SCN10A: variants seen among roughly 807,000 people sequenced by gnomAD.
SCN10A encodes the protein sodium channel protein type 10 subunit alpha.
Under a neutral mutation model 170.7 loss-of-function variants are expected in SCN10A, and 162 were observed. That is an observed-to-expected ratio of 0.95 (90% confidence interval 0.84 to 1.08). The LOEUF (loss-of-function observed/expected upper bound fraction) is 1.08. Among genes scored for constraint, SCN10A ranks in the 50% least tolerant of loss-of-function variants. The probability of loss-of-function intolerance (pLI) is 0.00; values close to 1 mark genes in which losing one functional copy is unlikely to be tolerated. For missense variants in SCN10A, 2,527 were observed against 2,436.9 expected (o/e 1.04, Z -0.78); for synonymous variants, 985 against 904.6 (o/e 1.09, Z -1.59).
At position 38,744,229 on chromosome 3, in the gene SCN10A, G is replaced by A. The variant is rs895300363; in HGVS notation, c.1868-1700C>T. 3.9e-5 allele frequency among the ~76,000 whole-genome samples: 6 copies of A among 152,138 alleles called. No individual in the cohort carries two copies. In the South Asian group the frequency reaches 8.3e-4, roughly 21 times the overall value. ...AATATAAGATAAACTGGAGTGGGAG[G>A]GGGGTGCACCAGGAGTCTGGGGAGC... On this transcript the variant is annotated intron_variant, in intron 13 of 27. Coordinates refer to ENST00000449082, the MANE Select transcript of SCN10A (RefSeq NM_006514.4).
chr3:38,721,293 G>A (rs1432661271), intron 20 of SCN10A, among the ~76,000 whole-genome samples: 2 of 152,286 alleles, frequency 1.3e-5, no homozygotes, highest in African/African-American at 2.4e-5. Context: ...TCGGAAGAGC[G>A]GGACTGTAGT....
intron 4 of SCN10A, among the ~76,000 whole-genome samples, chr3:38,781,878 T>A (rs935227369): frequency 6.6e-6 from 1 of 152,162 alleles, no homozygotes; most frequent in African/African-American, 2.4e-5. Flanking sequence ...TTAGAGTTTG[T>A]CATATTATTT....
chr3:38,772,332 A>G (rs1486940280), intron 4 of SCN10A, among the ~76,000 whole-genome samples: 1 of 151,734 alleles, frequency 6.6e-6, no homozygotes. Context: ...GAAAAAAAAA[A>G]AAAAAAGAAA....
rs1283830878 is a variant in SCN10A, at chr3:38,697,290, G to A, written c.*59C>T. 19 of 1,583,330 alleles carry A rather than the reference G, an allele frequency of 1.2e-5. No homozygotes were observed. The highest frequency in any genetic ancestry group is 1.5e-5 in the Non-Finnish European group (17 of 1,163,950). On this transcript the variant is annotated 3_prime_UTR_variant, in exon 28 of 28. Transcript: ENST00000449082. ...TGGGTGTGATCTGCAATGGGAAAGA[G>A]TTAACACAGAGCAGAAGGACGCATC... is the stretch of plus-strand genomic sequence containing the variant.
In SCN10A at chr3:38,784,587, T is replaced by A. The variant is rs144872087; in HGVS notation, c.470+4369A>T. Among the ~76,000 whole-genome samples, 458 of 152,238 alleles carry A rather than the reference T, an allele frequency of 3.0e-3. 5 individuals are homozygous for A. The highest frequency in any genetic ancestry group is 0.01 in the African/African-American group (429 of 41,558). On this transcript the variant is annotated intron_variant, in intron 4 of 27. Transcript: ENST00000449082. ...AAACCAGCACAAGACAAGAATGCCC[T>A]ATCTCACCACTCTTATTCAACATAG... is the stretch of plus-strand genomic sequence containing the variant.
At chr3:38,786,239 C>G (rs1259811769) in intron 4 of SCN10A, among the ~76,000 whole-genome samples, 2 of 151,938 alleles carry the variant, frequency 1.3e-5, no homozygotes, top group African/African-American at 4.8e-5. Flanking sequence ...AAACGCCCAT[C>G]AGTGATAGAC....
intron 3 of SCN10A, among the ~76,000 whole-genome samples, chr3:38,791,076 G>T (rs2064274909): frequency 6.6e-6 from 1 of 152,176 alleles, no homozygotes; most frequent in South Asian, 2.1e-4. Flanking sequence ...CCAACAATCT[G>T]CCTCAGAGTT....
rs541299097 is a variant in SCN10A at position 38,799,066 on chromosome 3, G to A, written c.-32-5024C>T. Among the ~76,000 whole-genome samples the A allele has an allele frequency of 3.9e-5, 6 of 152,234 alleles. No homozygotes were observed. The East Asian group carries it at 7.7e-4, about 20-fold the overall frequency. On this transcript the variant is annotated intron_variant, in intron 1 of 27. Transcript: ENST00000449082. ...CCAAAGTGCTAGGATTCTGGCATGAGCCACTGTGCCCAGCCCCTTTTGCCT... is the reference window on the plus strand; with the variant it reads ...CCAAAGTGCTAGGATTCTGGCATGAACCACTGTGCCCAGCCCCTTTTGCCT...
At chr3:38,759,306 A>G (rs1262631753) in intron 8 of SCN10A, among the ~76,000 whole-genome samples, 6 of 152,034 alleles carry the variant, frequency 3.9e-5, no homozygotes, top group Admixed American at 3.9e-4. Flanking sequence ...CAGTGGCCAA[A>G]GCAGCAGGCA....
chr3:38,699,912 T>G (rs1209099338), intron 27 of SCN10A, among the ~76,000 whole-genome samples: 1 of 152,194 alleles, frequency 6.6e-6, no homozygotes, highest in Non-Finnish European at 1.5e-5. Context: ...CTGCTTATTT[T>G]CCAGCTCTAT....
rs151303346 is a variant in SCN10A at position 38,750,082 on chromosome 3, C to T, written c.1858G>A (p.Val620Ile). The T allele has an allele frequency of 7.5e-5, 119 of 1,592,490 alleles. No homozygotes were observed. The African/African-American group carries it at 1.1e-3, about 15-fold the overall frequency. Residue 620 changes from valine (V) to isoleucine (I), a missense_variant, in exon 13 of 28, where the codon GTC becomes ATC. Val to Ile is a conservative substitution (Grantham distance 29). Transcript: ENST00000449082. ...AMSVVSIITS[V>I]LEELEESEQK... ...AGTGAGCAGCACTTACCCTCAAGGA[C>T]GGAGGTTATGATACTGACAACACTC...
intron 16 of SCN10A, among the ~76,000 whole-genome samples, chr3:38,728,236 T>A (rs1309929749): frequency 6.6e-6 from 1 of 152,194 alleles, no homozygotes; most frequent in Non-Finnish European, 1.5e-5. Context: ...TTTCTTGATT[T>A]TAAGGAAATT....
At chr3:38,749,154 C>A (rs1319361381) in intron 13 of SCN10A, among the ~76,000 whole-genome samples, 1 of 152,298 alleles carries the variant, frequency 6.6e-6, no homozygotes, top group East Asian at 1.9e-4. Context: ...GTTTTGAAAT[C>A]CCTCAAACAT....
At chr3:38,754,227 G>A (rs1400720609) in intron 11 of SCN10A, among the ~76,000 whole-genome samples, 2 of 152,122 alleles carry the variant, frequency 1.3e-5, no homozygotes, top group Non-Finnish European at 2.9e-5. Context: ...CTTCCTCCAG[G>A]AAGCCTTTTC....
chr3:38,772,723 ACAAAAAC>A (rs1362561188), intron 4 of SCN10A, among the ~76,000 whole-genome samples: 8 of 63,512 alleles, frequency 1.3e-4, no homozygotes, highest in African/African-American at 4.8e-4. Context: ...AACAACAACA[ACAAAAAC>A]AAAAACAAAA....
At chr3:38,750,817 T>C (rs1002963709) in intron 12 of SCN10A, among the ~76,000 whole-genome samples, 1 of 152,166 alleles carries the variant, frequency 6.6e-6, no homozygotes, top group Non-Finnish European at 1.5e-5. Context: ...TCTAGACACA[T>C]GATAATCTCA....
chr3:38,738,990 G>T (rs1188586238), intron 15 of SCN10A, among the ~76,000 whole-genome samples: 3 of 152,172 alleles, frequency 2.0e-5, no homozygotes, highest in Non-Finnish European at 2.9e-5. Context: ...AGGAGCTGGG[G>T]CTCTGGAGTC....
chr3:38,702,060 TCAAAA>T lies in SCN10A; in HGVS notation c.4431_4435del (p.Phe1478HisfsTer19). 6.3e-7 allele frequency: 1 copy of T among 1,591,198 alleles called. No individual in the cohort carries two copies. The highest frequency in any genetic ancestry group is 8.6e-7 in the Non-Finnish European group (1 of 1,168,854). ...GCAGATGAGGACCATGATGGTGATGTCAAAAGCTTGTCTGGTCACGATGTCAAAGA... is the reference window on the plus strand; with the variant it reads ...GCAGATGAGGACCATGATGGTGATGTGCTTGTCTGGTCACGATGTCAAAGA... On this transcript the variant is annotated frameshift_variant, in exon 27 of 28. Transcript: ENST00000449082. LOFTEE classifies it high-confidence loss of function.
Position 38,739,579 on chromosome 3 carries a change from A to G in SCN10A, c.2216T>C (p.Val739Ala). ...GGCCACGCCCAGCTCTAGCAGACTC[A>G]CAGTGACGATGATGCAGTCAAAGAT... ...WNIFDCIIVT[V>A]SLLELGVAKK... The change falls in exon 15 of 28, where the codon GTG becomes GCG. Residue 739 changes from valine to alanine, a missense_variant. Coordinates refer to ENST00000449082, the MANE Select transcript of SCN10A (RefSeq NM_006514.4). 1 of 1,614,146 alleles carries G rather than the reference A, an allele frequency of 6.2e-7. No homozygotes were observed. Among genetic ancestry groups the G allele is most frequent in the Non-Finnish European group, 8.5e-7 (1 of 1,179,972 alleles).
Sources: allele counts gnomAD v4.1 joint callset (sites outside exome capture counted in the v4.1 genomes callset), GRCh38; gene constraint gnomAD v4.1.1; transcripts MANE v1.5; gene names NCBI Gene and HGNC (gene_info 2026-07-23, HGNC 2026-07-21).